Variants in TBX15 observed in about 807,000 individuals in gnomAD.
TBX15 encodes the protein T-box transcription factor TBX15.
In TBX15, 18 loss-of-function variants were observed where a neutral mutation model predicts 53.9. That is an observed-to-expected ratio of 0.33 (90% CI 0.23 to 0.49). The LOEUF is 0.49. Among genes scored for constraint, TBX15 ranks in the 20% least tolerant of loss-of-function variants. The pLI is 0.98. For synonymous variants in TBX15, 295 were observed against 278.0 expected, an observed-to-expected ratio of 1.06 and a Z score of -0.61; for missense variants, 692 against 749.5, an observed-to-expected ratio of 0.92 and a Z score of 0.90.
At chr1:118,951,810 G>C (rs937194467) in intron 1 of TBX15, among the ~76,000 whole-genome samples, 2 of 152,168 alleles carry the variant, frequency 1.3e-5, no homozygotes, top group South Asian at 4.1e-4. Context: ...CTTCTCCACA[G>C]CTACAGCCCC....
chr1:118,897,449 A>G (rs1373158298), intron 7 of TBX15, among the ~76,000 whole-genome samples: 7 of 152,204 alleles, frequency 4.6e-5, no homozygotes, highest in African/African-American at 1.4e-4. Context: ...ACCAGCCTCC[A>G]TGATACAAAC....
At chr1:118,904,430 C>T (rs1335292005) in intron 6 of TBX15, among the ~76,000 whole-genome samples, 1 of 152,092 alleles carries the variant, frequency 6.6e-6, no homozygotes, top group East Asian at 1.9e-4. Context: ...AAAAGACCTC[C>T]CAGCAGAGGT....
intron 7 of TBX15, among the ~76,000 whole-genome samples, chr1:118,894,971 C>G: frequency 6.6e-6 from 1 of 152,076 alleles, no homozygotes; most frequent in East Asian, 1.9e-4. Context: ...GGCATTATTC[C>G]TCACCTCAGT....
rs61730011 is a variant in TBX15 at position 118,884,844 on chromosome 1, A to C, written c.1697T>G (p.Met566Arg). 0.046 allele frequency: 73,685 copies of C among 1,614,162 alleles called. 2,170 individuals are homozygous for C. Among genetic ancestry groups the C allele is most frequent in the South Asian group, 0.099 (9,055 of 91,076 alleles). ...ATTGGGTGAAGGGCTAATCATGTGC[A>C]TGCTGTGCTCCATCCCTGACGGCAG... ...QYLPSGMEHS[M>R]HMISPSPNNQ... The change falls in exon 8 of 8, where the codon ATG becomes AGG. Residue 566 changes from methionine to arginine, a missense_variant. Met to Arg is a moderately conservative substitution (Grantham distance 91). Around this residue, in one of 3 missense-constraint regions of TBX15, gnomAD observed 375 missense variants for 371.6 expected, o/e 1.01. Coordinates refer to ENST00000369429, the MANE Select transcript of TBX15 (RefSeq NM_001330677.2).
At chr1:118,898,427 G>T (rs934539533) in intron 7 of TBX15, among the ~76,000 whole-genome samples, 2 of 152,228 alleles carry the variant, frequency 1.3e-5, no homozygotes, top group East Asian at 3.9e-4. Flanking sequence ...CCTGAGCTGC[G>T]AGGAAAGAAA....
At chr1:118,939,407 CAAAAAAAAA>C (rs869094141) in intron 1 of TBX15, among the ~76,000 whole-genome samples, 23 of 8,880 alleles carry the variant, frequency 2.6e-3, no homozygotes, top group African/African-American at 9.0e-3. Flanking sequence ...GATCTAGTCT[CAAAAAAAAA>C]AAAAAAAAAA....
intron 5 of TBX15, among the ~76,000 whole-genome samples, chr1:118,918,673 A>T (rs1655327171): frequency 6.6e-6 from 1 of 152,166 alleles, no homozygotes; most frequent in Non-Finnish European, 1.5e-5. Context: ...TGAATTATAG[A>T]ACACTGAGGC....
rs573621131 is a variant in TBX15, at chr1:118,955,734, C to T, written c.206-23902G>A. On this transcript the variant is annotated intron_variant, in intron 1 of 7. Transcript: ENST00000369429. The stretch of plus-strand genomic sequence containing the variant: ...CCTCTTCTGTTTCAATTCCCTGACC[C>T]TATTCTAGAGTTTATGGAATGCTTG... Among the ~76,000 whole-genome samples the T allele has an allele frequency of 2.6e-5, 4 of 152,220 alleles. No individual in the cohort carries two copies. The East Asian group carries it at 5.8e-4, about 22-fold the overall frequency.
rs1440707870 is a variant in TBX15 at position 118,931,849 on chromosome 1, C to G, written c.206-17G>C. ...GCTCAGAATCTGCAAAATAAACAAT[C>G]AAGCCTTAGGTGAGAAACTGCTGAG... On this transcript the variant is annotated splice_polypyrimidine_tract_variant and intron_variant, in intron 1 of 7. Coordinates refer to ENST00000369429, the MANE Select transcript of TBX15 (RefSeq NM_001330677.2). 6.4e-7 allele frequency: 1 copy of G among 1,554,742 alleles called. No homozygotes were observed. The highest frequency in any genetic ancestry group is 1.8e-4 in the Middle Eastern group (1 of 5,680).
chr1:118,884,634 C>A lies in TBX15; in HGVS notation c.*98G>T. On this transcript the variant is annotated 3_prime_UTR_variant, in exon 8 of 8. Coordinates refer to ENST00000369429, the MANE Select transcript of TBX15 (RefSeq NM_001330677.2). ...AAAAAAAAAAAAAAAAACACGGTTC[C>A]TGTTTTTCAAAGACACTGGACTCCC... The A allele has an allele frequency of 2.3e-6, 3 of 1,304,796 alleles. No individual in the cohort carries two copies. Among genetic ancestry groups the A allele is most frequent in the Non-Finnish European group, 2.1e-6 (2 of 933,326 alleles). The allele number at this position is 1,304,796 out of a possible 1,614,324, so 80.8% of individuals were successfully genotyped here.
intron 1 of TBX15, among the ~76,000 whole-genome samples, chr1:118,933,674 C>T (rs1042707016): frequency 1.3e-5 from 2 of 152,124 alleles, no homozygotes; most frequent in Non-Finnish European, 2.9e-5. Context: ...TATATCATCA[C>T]ACACTCAGCC....
intron 5 of TBX15, among the ~76,000 whole-genome samples, chr1:118,918,326 A>T (rs1655314863): frequency 2.0e-5 from 3 of 152,176 alleles, no homozygotes; most frequent in Admixed American, 2.0e-4. Flanking sequence ...CTAGTGTGAC[A>T]TGCTCATTGA....
Position 118,988,049 on chromosome 1 carries a change from A to C in TBX15, c.-254T>G, listed in dbSNP as rs1189353787. On this transcript the variant is annotated 5_prime_UTR_variant, in exon 1 of 8. An upstream start codon of the reference 5' UTR is lost. Coordinates refer to ENST00000369429, the MANE Select transcript of TBX15 (RefSeq NM_001330677.2). The stretch of plus-strand genomic sequence containing the variant: ...GCCCCGAGCGCCGCCCGCTCGCTGC[A>C]TGAGCGCCCGAGTCCTGCTTCCCAC... The C allele has an allele frequency of 3.5e-6, 2 of 563,532 alleles. No individual in the cohort carries two copies. The highest frequency in any genetic ancestry group is 3.1e-6 in the Non-Finnish European group (1 of 319,164). The allele number at this position is 563,532 out of a possible 1,614,324, so 34.9% of individuals were successfully genotyped here.
In TBX15 at chr1:118,931,637, A is replaced by G; in HGVS notation, c.401T>C (p.Ile134Thr). 1.2e-6 allele frequency: 2 copies of G among 1,614,096 alleles called. No homozygotes were observed. The highest frequency in any genetic ancestry group is 1.7e-6 in the Non-Finnish European group (2 of 1,179,966). ...TCCTTACCTGCCTGCTTTGGTGATGATCATTTCAGTTCCAATATCATGGAA... is the reference window on the plus strand; with the variant it reads ...TCCTTACCTGCCTGCTTTGGTGATGGTCATTTCAGTTCCAATATCATGGAA... ...KRFHDIGTEM[I>T]ITKAGRRMFP... The change falls in exon 2 of 8, where the codon ATC (isoleucine) becomes ACC (threonine). Residue 134 changes from isoleucine to threonine, a missense_variant. By Grantham distance (89) the Ile-to-Thr change is moderately conservative. Transcript: ENST00000369429.
At chr1:118,958,932 G>A (rs957356420) in intron 1 of TBX15, among the ~76,000 whole-genome samples, 1 of 152,004 alleles carries the variant, frequency 6.6e-6, no homozygotes, top group Non-Finnish European at 1.5e-5. Flanking sequence ...AGAAGACCGT[G>A]CTTATTGTTC....
At chr1:118,938,685 G>A (rs1656045043) in intron 1 of TBX15, among the ~76,000 whole-genome samples, 1 of 152,184 alleles carries the variant, frequency 6.6e-6, no homozygotes, top group Middle Eastern at 3.4e-3. Context: ...TCTAATAATA[G>A]CCATTCTGAC....
In TBX15 at chr1:118,988,259, T is replaced by A. The variant is rs921023106; in HGVS notation, c.-464A>T. On this transcript the variant is annotated 5_prime_UTR_variant, in exon 1 of 8. Coordinates refer to ENST00000369429, the MANE Select transcript of TBX15 (RefSeq NM_001330677.2). ...CTGTGATCCAAACTTCTGGGAAACT[T>A]TTTTTTCCGCTAAATTCCTCCCTTC... The A allele has an allele frequency of 2.5e-5, 4 of 157,228 alleles. No individual in the cohort carries two copies. Among genetic ancestry groups the A allele is most frequent in the Admixed American group, 1.3e-4 (2 of 15,586 alleles). The allele number at this position is 157,228 out of a possible 1,614,324, so 9.7% of individuals were successfully genotyped here.
At chr1:118,961,310 C>T (rs1656864405) in intron 1 of TBX15, among the ~76,000 whole-genome samples, 1 of 152,148 alleles carries the variant, frequency 6.6e-6, no homozygotes, top group Non-Finnish European at 1.5e-5. Context: ...GCACCTAATA[C>T]CATATTTGTT....
chr1:118,891,972 C>A (rs1046270473), intron 7 of TBX15, among the ~76,000 whole-genome samples: 4 of 151,984 alleles, frequency 2.6e-5, no homozygotes, highest in African/African-American at 7.3e-5. Context: ...CACTATGAAT[C>A]TGAAGGGGTA....
Sources: gnomAD v4.1 joint callset for allele counts (sites outside exome capture counted in the v4.1 genomes callset) on GRCh38, gnomAD v4.1.1 for gene constraint, gnomAD v4.1.1 regional missense constraint, MANE v1.5 for transcripts, NCBI Gene and HGNC (gene_info 2026-07-23, HGNC 2026-07-21) for gene names.